STON2: variants seen among roughly 807,000 people sequenced by gnomAD.
STON2 encodes the protein stonin 2.
In STON2, 29 loss-of-function variants were observed where a neutral mutation model predicts 65.7. The observed-to-expected ratio is 0.44, with a 90% CI of 0.33 to 0.60. The LOEUF is 0.60. STON2 is among the 20% of genes least tolerant of loss of function. The probability of loss-of-function intolerance (pLI) is 0.03; values close to 1 mark genes in which losing one functional copy is unlikely to be tolerated. For missense variants in STON2, 1,054 were observed against 1,118.1 expected, an observed-to-expected ratio of 0.94 and a Z score of 0.82; for synonymous variants, 404 against 414.2, an observed-to-expected ratio of 0.98 and a Z score of 0.30.
At chr14:81,332,544 C>T (rs1420489237) in intron 4 of STON2, among the ~76,000 whole-genome samples, 1 of 152,206 alleles carries the variant, frequency 6.6e-6, no homozygotes, top group African/African-American at 2.4e-5. Context: ...ATGTTCCCCA[C>T]ATGGGCTTGA....
chr14:81,276,845 T>G lies in STON2; in HGVS notation c.2581+56A>C, dbSNP rs563247857. On this transcript the variant is annotated intron_variant, in intron 6 of 7. Transcript: ENST00000614646. The stretch of plus-strand genomic sequence containing the variant: ...CTTCATACAGGATGTGGAACTTTGA[T>G]CTCAGCTTTTTCACAACTGTATGTT... 3.9e-6 allele frequency: 6 copies of G among 1,552,234 alleles called. No homozygotes were observed. In the African/African-American group the frequency reaches 8.2e-5, roughly 21 times the overall value.
At chr14:81,377,110 A>G (rs1379545700) in intron 3 of STON2, among the ~76,000 whole-genome samples, 1 of 152,190 alleles carries the variant, frequency 6.6e-6, no homozygotes, top group African/African-American at 2.4e-5. Flanking sequence ...CATCACTGCA[A>G]GGATCTTTCC....
At chr14:81,330,035 G>A (rs1453882072) in intron 4 of STON2, among the ~76,000 whole-genome samples, 4 of 152,166 alleles carry the variant, frequency 2.6e-5, no homozygotes, top group Admixed American at 2.0e-4. Flanking sequence ...ATCCCACGTT[G>A]GGGGAGAAGT....
chr14:81,331,576 T>A (rs1157060319), intron 4 of STON2, among the ~76,000 whole-genome samples: 1 of 152,136 alleles, frequency 6.6e-6, no homozygotes, highest in Non-Finnish European at 1.5e-5. Context: ...CATACCCTCA[T>A]CCACTGCCCA....
chr14:81,431,710 G>A (rs774885142), intron 1 of STON2, among the ~76,000 whole-genome samples: 1 of 151,726 alleles, frequency 6.6e-6, no homozygotes, highest in African/African-American at 2.4e-5. Flanking sequence ...CCCGGGAGCC[G>A]GAGGTTGCAG....
chr14:81,435,655 C>T (rs1902388607), intron 1 of STON2, among the ~76,000 whole-genome samples: 1 of 152,172 alleles, frequency 6.6e-6, no homozygotes, highest in Non-Finnish European at 1.5e-5. Flanking sequence ...GGGGTTGCAC[C>T]AGAACACACG....
chr14:81,422,625 A>G (rs1901760661), intron 2 of STON2, among the ~76,000 whole-genome samples: 1 of 152,178 alleles, frequency 6.6e-6, no homozygotes, highest in Non-Finnish European at 1.5e-5. Context: ...AGGCATTAGG[A>G]CAGAGGTCAC....
At chr14:81,284,538 C>T (rs191675756) in intron 5 of STON2, among the ~76,000 whole-genome samples, 1 of 152,294 alleles carries the variant, frequency 6.6e-6, no homozygotes, top group East Asian at 1.9e-4. Flanking sequence ...GAGGTTGGTT[C>T]ATGAGGTTTA....
chr14:81,300,297 G>T (rs1214835466), intron 5 of STON2, among the ~76,000 whole-genome samples: 1 of 151,046 alleles, frequency 6.6e-6, no homozygotes, highest in Non-Finnish European at 1.5e-5. Context: ...AATCTGAAAG[G>T]GATCACAGAT....
intron 5 of STON2, among the ~76,000 whole-genome samples, chr14:81,317,902 T>C (rs1896683984): frequency 6.6e-6 from 1 of 152,274 alleles, no homozygotes; most frequent in South Asian, 2.1e-4. Flanking sequence ...CAATGCCATC[T>C]CTGCAGCTAT....
intron 5 of STON2, among the ~76,000 whole-genome samples, chr14:81,302,643 C>A (rs1402504664): frequency 6.6e-6 from 1 of 152,210 alleles, no homozygotes; most frequent in Non-Finnish European, 1.5e-5. Flanking sequence ...CAAACTGATA[C>A]AGAGGGTGTT....
Position 81,266,986 on chromosome 14 carries a change from G to A in STON2, c.*1428C>T. 2 of 985,288 alleles carry A rather than the reference G, an allele frequency of 2.0e-6. No homozygotes were observed. The highest frequency in any genetic ancestry group is 2.4e-6 in the Non-Finnish European group (2 of 829,838). 61.0% of individuals were successfully genotyped at this position (985,288 alleles called of 1,614,324 possible). ...ATACTGTAACTATTTCTATATCCCA[G>A]TGTCAATACACATTTAGACTCCAAT... On this transcript the variant is annotated 3_prime_UTR_variant, in exon 8 of 8. Transcript: ENST00000614646.
At chr14:81,391,132 C>T (rs758780923) in intron 3 of STON2, among the ~76,000 whole-genome samples, 4 of 152,170 alleles carry the variant, frequency 2.6e-5, no homozygotes, top group Non-Finnish European at 4.4e-5. Context: ...GACCCTTTTC[C>T]CAAATATGAT....
At position 81,277,077 on chromosome 14, in the gene STON2, T is replaced by G. The variant is rs529312848; in HGVS notation, c.2405A>C (p.Glu802Ala). The change falls in exon 6 of 8, where the codon GAA becomes GCA. Residue 802 changes from glutamate (E) to alanine (A), a missense_variant. Physicochemically the swap from Glu to Ala is moderately radical, Grantham distance 107. Coordinates refer to ENST00000614646, the MANE Select transcript of STON2 (RefSeq NM_001394390.1). The part of the protein sequence containing the change: ...PSEWVKNFRR[E>A]SVLGEKSLKA... ...CAAAGACTTTTCCCCCAGGACACTT[T>G]CCCTGCGGAAGTTTTTCACCCACTC... is the stretch of plus-strand genomic sequence containing the variant. 4 of 1,614,194 alleles carry G rather than the reference T, an allele frequency of 2.5e-6. No individual in the cohort carries two copies. Among genetic ancestry groups the G allele is most frequent in the African/African-American group, 2.7e-5 (2 of 75,048 alleles).
At chr14:81,412,185 G>A (rs1448529227) in intron 2 of STON2, among the ~76,000 whole-genome samples, 1 of 139,820 alleles carries the variant, frequency 7.2e-6, no homozygotes, top group Non-Finnish European at 1.5e-5. Flanking sequence ...AGTCACTGAA[G>A]AAGTTTAAAG....
chr14:81,344,162 T>C (rs987297442), intron 4 of STON2, among the ~76,000 whole-genome samples: 1 of 152,092 alleles, frequency 6.6e-6, no homozygotes, highest in Non-Finnish European at 1.5e-5. Flanking sequence ...ATAAAAGAAA[T>C]TTAAAAATAG....
intron 4 of STON2, among the ~76,000 whole-genome samples, chr14:81,329,342 C>T (rs1299563410): frequency 6.6e-6 from 1 of 151,768 alleles, no homozygotes; most frequent in East Asian, 1.9e-4. Flanking sequence ...GTAGTCCCAG[C>T]TACTGGGGAG....
intron 4 of STON2, among the ~76,000 whole-genome samples, chr14:81,329,760 T>C (rs1897140428): frequency 6.6e-6 from 1 of 152,024 alleles, no homozygotes; most frequent in Non-Finnish European, 1.5e-5. Context: ...TTAAACCGTT[T>C]AGTGGGAAAG....
At chr14:81,403,751 A>C (rs1371961765), upstream of STON2, among the ~76,000 whole-genome samples, 2 of 152,170 alleles carry the variant, frequency 1.3e-5, no homozygotes, top group Non-Finnish European at 2.9e-5. Flanking sequence ...ATACCCTTGA[A>C]TAGACTTCTT....
Sources: allele counts gnomAD v4.1 joint callset (sites outside exome capture counted in the v4.1 genomes callset), GRCh38; gene constraint gnomAD v4.1.1; transcripts MANE v1.5; gene names NCBI Gene and HGNC (gene_info 2026-07-23, HGNC 2026-07-21).